TBC1D9: variants seen among roughly 807,000 people sequenced by gnomAD.
TBC1D9 encodes the protein TBC1 domain family member 9A.
Under a neutral mutation model 132.0 loss-of-function variants are expected in TBC1D9, and 63 were observed. The observed-to-expected ratio is 0.48, with a 90% CI of 0.39 to 0.59. TBC1D9 has a LOEUF of 0.59. TBC1D9 is among the 20% of genes least tolerant of loss of function. The pLI is 0.00. For synonymous variants in TBC1D9, 610 were observed against 609.9 expected, an observed-to-expected ratio of 1.00 and a Z score of 0.00; for missense variants, 1,261 against 1,592.7, an observed-to-expected ratio of 0.79 and a Z score of 3.54.
intron 1 of TBC1D9, among the ~76,000 whole-genome samples, chr4:140,738,709 A>G (rs1484580380): frequency 6.6e-6 from 1 of 152,196 alleles, no homozygotes; most frequent in Non-Finnish European, 1.5e-5. Context: ...CATTCATACA[A>G]ACAAGTCTTT....
intron 18 of TBC1D9, 104 bp downstream of exon 18, chr4:140,627,337 T>C: frequency 2.7e-6 from 2 of 742,426 alleles, no homozygotes; most frequent in Non-Finnish European, 4.6e-6. Flanking sequence ...CAACCATATT[T>C]ACATACTTCT....
chr4:140,623,095 T>C (rs1369835961), intron 20 of TBC1D9, among the ~76,000 whole-genome samples, 178 bp from the exon 21 acceptor site: 2 of 152,172 alleles, frequency 1.3e-5, no homozygotes, highest in Non-Finnish European at 2.9e-5. Flanking sequence ...TAATTTTTAT[T>C]TCTTTTTGAG....
At chr4:140,683,752 C>A (rs548899539) in intron 3 of TBC1D9, among the ~76,000 whole-genome samples, 3 of 152,336 alleles carry the variant, frequency 2.0e-5, no homozygotes, top group East Asian at 3.9e-4. Context: ...ATGCTGAAAG[C>A]AAGCAATGCT....
intron 1 of TBC1D9, among the ~76,000 whole-genome samples, chr4:140,716,841 C>A (rs998889396): frequency 6.6e-6 from 1 of 151,302 alleles, no homozygotes; most frequent in Non-Finnish European, 1.5e-5. Flanking sequence ...AAAAATCACA[C>A]ACACACCCAC....
chr4:140,683,831 C>A (rs1218279185), intron 3 of TBC1D9, among the ~76,000 whole-genome samples: 1 of 152,164 alleles, frequency 6.6e-6, no homozygotes, highest in Non-Finnish European at 1.5e-5. Flanking sequence ...ACTACTTAAC[C>A]CATTCATCCA....
At chr4:140,696,611 T>C (rs1737963543) in intron 2 of TBC1D9, among the ~76,000 whole-genome samples, 1 of 152,014 alleles carries the variant, frequency 6.6e-6, no homozygotes, top group Admixed American at 6.6e-5. Flanking sequence ...TCCAAAACAG[T>C]CCTCCTGCCT....
At chr4:140,701,676 G>A (rs1400721384) in intron 1 of TBC1D9, 62 bp from the exon 2 acceptor site, 2 of 1,296,840 alleles carry the variant, frequency 1.5e-6, no homozygotes, top group Admixed American at 1.8e-5. Flanking sequence ...CACATTCCCA[G>A]GGGCAGCATG....
At chr4:140,697,675 T>A (rs1737991292) in intron 2 of TBC1D9, among the ~76,000 whole-genome samples, 1 of 152,232 alleles carries the variant, frequency 6.6e-6, no homozygotes. Context: ...CTTTGTAACA[T>A]ACAATTCTAT....
rs1490246429 is a variant in TBC1D9, at chr4:140,755,970, G to A, written c.76C>T (p.Leu26=). 1.2e-6 allele frequency: 2 copies of A among 1,606,474 alleles called. No individual in the cohort carries two copies. The highest frequency in any genetic ancestry group is 1.7e-6 in the Non-Finnish European group (2 of 1,176,872). ...ITERANPYFI[L]QRRKGHAGDG... is the part of the protein sequence containing the mutation. ...CCGGCGTGGCCCTTCCTCCGCTGCA[G>A]GATGAAGTATGGGTTGGCCCTCTCG... The change falls in exon 1 of 21, where the codon CTG becomes TTG. Residue 26 remains leucine (L), a synonymous_variant. Transcript: ENST00000442267.
intron 1 of TBC1D9, among the ~76,000 whole-genome samples, chr4:140,707,175 G>C (rs1336286555): frequency 1.3e-5 from 2 of 151,762 alleles, no homozygotes; most frequent in Non-Finnish European, 2.9e-5. Context: ...AATGGTACCT[G>C]TTTGTTAGTT....
intron 15 of TBC1D9, among the ~76,000 whole-genome samples, chr4:140,638,564 G>A (rs975620646): frequency 1.3e-5 from 2 of 151,574 alleles, no homozygotes; most frequent in Admixed American, 6.6e-5. Context: ...GGTGGTGTGC[G>A]CCTGTAATCC....
At chr4:140,730,943 C>T (rs1387539421) in intron 1 of TBC1D9, among the ~76,000 whole-genome samples, 6 of 151,996 alleles carry the variant, frequency 3.9e-5, no homozygotes, top group African/African-American at 7.3e-5. Context: ...GCTGGTATTC[C>T]GAAGATTCAG....
chr4:140,713,698 C>A (rs1407573263), intron 1 of TBC1D9, among the ~76,000 whole-genome samples: 1 of 151,290 alleles, frequency 6.6e-6, no homozygotes, highest in African/African-American at 2.4e-5. Flanking sequence ...AAGACCACAC[C>A]CTGCACTTCA....
chr4:140,717,383 G>T (rs116013192), intron 1 of TBC1D9, among the ~76,000 whole-genome samples: 207 of 152,288 alleles, frequency 1.4e-3, no homozygotes, highest in Non-Finnish European at 2.5e-3. Flanking sequence ...TCTTCTAACC[G>T]TAGAGGCCTT....
chr4:140,649,909 T>C (rs975259548), intron 13 of TBC1D9, among the ~76,000 whole-genome samples: 6 of 152,224 alleles, frequency 3.9e-5, no homozygotes, highest in African/African-American at 1.4e-4. Context: ...CTCATAACTC[T>C]GCCAGAAGTG....
At chr4:140,637,039 C>T (rs567198326) in intron 15 of TBC1D9, among the ~76,000 whole-genome samples, 164 of 152,248 alleles carry the variant, frequency 1.1e-3, no homozygotes, top group African/African-American at 3.6e-3. Context: ...GACCAGAGAG[C>T]GCAGCAGTGC....
chr4:140,676,832 TG>T, intron 6 of TBC1D9, 61 bp downstream of exon 6: 1 of 1,576,930 alleles, frequency 6.3e-7, no homozygotes, highest in Middle Eastern at 1.8e-4. Context: ...AAATTATTCC[TG>T]GTTCACCCAG....
intron 3 of TBC1D9, 131 bp from the exon 4 acceptor site, chr4:140,679,974 C>T (rs1373480330): frequency 1.6e-6 from 1 of 640,850 alleles, no homozygotes; most frequent in Non-Finnish European, 2.6e-6. Context: ...ATGGCAACCC[C>T]CAAATTCTAA....
intron 16 of TBC1D9, among the ~76,000 whole-genome samples, chr4:140,630,645 G>A (rs1430581): frequency 0.42 from 63,676 of 151,954 alleles, 14,166 homozygotes; most frequent in South Asian, 0.52. Context: ...TTTGTTTTTC[G>A]AGTGGTGAGC....
Sources: gnomAD v4.1 joint callset for allele counts (sites outside exome capture counted in the v4.1 genomes callset) on GRCh38, gnomAD v4.1.1 for gene constraint, MANE v1.5 for transcripts, NCBI Gene and HGNC (gene_info 2026-07-23, HGNC 2026-07-21) for gene names.